Variants in SLC22A24 observed in about 807,000 individuals in gnomAD.
SLC22A24 encodes the protein steroid transmembrane transporter SLC22A24.
A neutral mutation model predicts 49.8 loss-of-function variants in SLC22A24; 53 were observed. The observed-to-expected ratio is 1.06, with a 90% CI of 0.85 to 1.34. The LOEUF is 1.34. Ranked by LOEUF, SLC22A24 falls within the 40% of genes most tolerant of loss-of-function variation. The pLI, the probability that SLC22A24 is intolerant of heterozygous loss-of-function variation, is 0.00. For missense variants in SLC22A24, 786 were observed against 675.9 expected, an observed-to-expected ratio of 1.16 and a Z score of -1.81; for synonymous variants, 302 against 256.4, an observed-to-expected ratio of 1.18 and a Z score of -1.70.
chr11:63,109,990 T>G (rs1452790620), intron 4 of SLC22A24, among the ~76,000 whole-genome samples: 3 of 152,206 alleles, frequency 2.0e-5, no homozygotes, highest in African/African-American at 7.2e-5. Context: ...GATCTAACGT[T>G]TAAGTCTTTA....
At chr11:63,092,923 A>G (rs575195032) in intron 6 of SLC22A24, among the ~76,000 whole-genome samples, 168 of 152,284 alleles carry the variant, frequency 1.1e-3, no homozygotes, top group Non-Finnish European at 1.6e-3. Flanking sequence ...AGAATGGGAG[A>G]AAATTTTTGC....
intron 5 of SLC22A24, among the ~76,000 whole-genome samples, chr11:63,096,732 G>C (rs1311623904): frequency 6.6e-6 from 1 of 152,158 alleles, no homozygotes; most frequent in Non-Finnish European, 1.5e-5. Flanking sequence ...AAAAGTTGGG[G>C]ATGTGTTGGT....
chr11:63,092,201 T>C (rs905781423), intron 6 of SLC22A24, among the ~76,000 whole-genome samples: 1 of 151,668 alleles, frequency 6.6e-6, no homozygotes, highest in Non-Finnish European at 1.5e-5. Flanking sequence ...ACAAGGGACA[T>C]GAGGGACTTC....
intron 6 of SLC22A24, among the ~76,000 whole-genome samples, chr11:63,093,412 A>G (rs547430412): frequency 6.6e-6 from 1 of 152,290 alleles, no homozygotes; most frequent in African/African-American, 2.4e-5. Flanking sequence ...TTGCAGCACT[A>G]TTTATAATAG....
chr11:63,142,859 T>G (rs997772630), intron 1 of SLC22A24, among the ~76,000 whole-genome samples: 2 of 151,946 alleles, frequency 1.3e-5, no homozygotes, highest in Admixed American at 1.3e-4. Flanking sequence ...AAAACTCTGC[T>G]CCCCGAATGC....
intron 6 of SLC22A24, among the ~76,000 whole-genome samples, chr11:63,090,328 C>A (rs1386570201): frequency 6.6e-6 from 1 of 151,972 alleles, no homozygotes; most frequent in African/African-American, 2.4e-5. Context: ...CAAGGGTATT[C>A]AGGACTTGAA....
chr11:63,105,789 C>G (rs1485557704), intron 4 of SLC22A24, among the ~76,000 whole-genome samples: 1 of 152,190 alleles, frequency 6.6e-6, no homozygotes, highest in South Asian at 2.1e-4. Flanking sequence ...GCCTTTGGCT[C>G]CTCATTACTT....
At chr11:63,087,425 G>A (rs2086994093) in intron 6 of SLC22A24, among the ~76,000 whole-genome samples, 1 of 152,196 alleles carries the variant, frequency 6.6e-6, no homozygotes, top group Non-Finnish European at 1.5e-5. Context: ...TTTGCAATCT[G>A]CAGATCAGGA....
rs568185507 is a variant in SLC22A24 at position 63,106,982 on chromosome 11, G to A, written c.831-2684C>T. On this transcript the variant is annotated intron_variant, in intron 4 of 9. Transcript: ENST00000612278. ...GCTTTTTGTTGCCATTGCTTTTGGT[G>A]TTTTAGTCATGAAGTCCTTGCCCAT... Among the ~76,000 whole-genome samples, 18 of 152,228 alleles carry A rather than the reference G, an allele frequency of 1.2e-4. No homozygotes were observed. In the South Asian group the frequency reaches 3.7e-3, roughly 32 times the overall value.
chr11:63,121,332 A>G (rs978475190), intron 2 of SLC22A24, among the ~76,000 whole-genome samples: 1 of 152,214 alleles, frequency 6.6e-6, no homozygotes, highest in African/African-American at 2.4e-5. Flanking sequence ...CTCATAGTAA[A>G]GAAACACATA....
At chr11:63,142,278 T>C (rs374015048) in intron 1 of SLC22A24, among the ~76,000 whole-genome samples, 188 of 152,302 alleles carry the variant, frequency 1.2e-3, no homozygotes, top group African/African-American at 3.5e-3. Flanking sequence ...GCTGGAGTGA[T>C]AGATGGCCTT....
rs907765625 is a variant in SLC22A24 at position 63,140,762 on chromosome 11, C to T, written c.402+2616G>A. ...GAGAAACAGTTTGACATACAAGGTG[C>T]GTAGGGAATGTGTTTTTGGTAAAAG... is the stretch of plus-strand genomic sequence containing the variant. On this transcript the variant is annotated intron_variant, in intron 1 of 9. Transcript: ENST00000612278. Among the ~76,000 whole-genome samples the T allele has an allele frequency of 1.5e-4, 23 of 152,138 alleles. 1 individual carries two copies. The highest frequency in any genetic ancestry group is 2.1e-4 in the South Asian group (1 of 4,818).
At chr11:63,096,175 C>G in intron 5 of SLC22A24, 69 bp from the exon 6 acceptor site, 1 of 1,004,586 alleles carries the variant, frequency 1.0e-6, no homozygotes, top group Non-Finnish European at 1.5e-6. Flanking sequence ...GTGGTAAGTA[C>G]TAGAGAACAA....
intron 5 of SLC22A24, 53 bp downstream of exon 5, chr11:63,104,122 G>T: frequency 6.5e-7 from 1 of 1,537,816 alleles, no homozygotes; most frequent in Non-Finnish European, 8.8e-7. Context: ...TAGTATGATT[G>T]TGAGGTCATG....
rs991464231 is a variant in SLC22A24, at chr11:63,081,055, G to A, written c.1463C>T (p.Thr488Ile). The A allele has an allele frequency of 1.9e-6, 3 of 1,551,512 alleles. No homozygotes were observed. Among genetic ancestry groups the A allele is most frequent in the Non-Finnish European group, 2.6e-6 (3 of 1,146,960 alleles). Reference protein sequence around the residue: ...TGAALAPLLMTLMAYSPHLPW... With the variant: ...TGAALAPLLMILMAYSPHLPW... Reference sequence around the variant, plus strand: ...TAGGTGGGGAGAATACGCCATTAAGGTCATCAACAGAGGAGCCAGTGCTGC... The same window carrying A: ...TAGGTGGGGAGAATACGCCATTAAGATCATCAACAGAGGAGCCAGTGCTGC... The change falls in exon 9 of 10, where the codon ACC (threonine) becomes ATC (isoleucine). Residue 488 changes from threonine to isoleucine, a missense_variant. By Grantham distance (89) the Thr-to-Ile change is moderately conservative (BLOSUM62 -1). Coordinates refer to ENST00000612278, the MANE Select transcript of SLC22A24 (RefSeq NM_001136506.2).
chr11:63,126,228 T>C (rs975117681), intron 2 of SLC22A24, among the ~76,000 whole-genome samples: 1 of 152,214 alleles, frequency 6.6e-6, no homozygotes, highest in African/African-American at 2.4e-5. Flanking sequence ...TGTGAAGTCT[T>C]TGCCCATGCC....
intron 2 of SLC22A24, among the ~76,000 whole-genome samples, chr11:63,128,153 A>G (rs971359343): frequency 2.0e-5 from 3 of 152,072 alleles, no homozygotes; most frequent in Non-Finnish European, 4.4e-5. Flanking sequence ...CAATATTATA[A>G]TAATCATCAC....
Position 63,119,281 on chromosome 11 carries a change from G to A in SLC22A24, c.561C>T (p.Asn187=), listed in dbSNP as rs750883393. ...KLCFLQLAIS[N]TCAAFAPTFL... is the part of the protein sequence containing the mutation. ...AGGTGGGAGCGAAGGCCGCACAGGTGTTAGAGATGGCCAGCTGGAGGAAAC... is the reference window on the plus strand; with the variant it reads ...AGGTGGGAGCGAAGGCCGCACAGGTATTAGAGATGGCCAGCTGGAGGAAAC... The change falls in exon 3 of 10, where the codon AAC becomes AAT. Residue 187 remains asparagine, a synonymous_variant. Coordinates refer to ENST00000612278, the MANE Select transcript of SLC22A24 (RefSeq NM_001136506.2). The A allele has an allele frequency of 1.9e-6, 3 of 1,551,236 alleles. No homozygotes were observed. In the South Asian group the frequency reaches 3.6e-5, roughly 18 times the overall value.
At chr11:63,100,665 A>G (rs2087084971) in intron 5 of SLC22A24, among the ~76,000 whole-genome samples, 1 of 152,166 alleles carries the variant, frequency 6.6e-6, no homozygotes, top group Non-Finnish European at 1.5e-5. Context: ...ATTATACTAC[A>G]GAGCTGTAAC....
Sources: gnomAD v4.1 joint callset for allele counts (sites outside exome capture counted in the v4.1 genomes callset) on GRCh38, gnomAD v4.1.1 for gene constraint, MANE v1.5 for transcripts, NCBI Gene and HGNC (gene_info 2026-07-23, HGNC 2026-07-21) for gene names.